The following WDR7 variants were observed in gnomAD, a reference collection of about 807,000 sequenced individuals.
The protein encoded by WDR7 is WD repeat domain 7, also known as WD repeat-containing protein 7.
A neutral mutation model predicts 169.4 loss-of-function variants in WDR7; 46 were observed. That is an observed-to-expected ratio of 0.27 (90% confidence interval 0.21 to 0.35). The LOEUF (loss-of-function observed/expected upper bound fraction) is 0.35, where lower values mean the gene tolerates loss of function less well. WDR7 is among the 10% of genes least tolerant of loss of function. The pLI is 1.00. For synonymous variants in WDR7, 612 were observed against 666.8 expected (o/e 0.92, Z 1.27); for missense variants, 1,534 against 1,859.3 (o/e 0.83, Z 3.22).
At chr18:56,744,174 G>A (rs975134811) in intron 14 of WDR7, among the ~76,000 whole-genome samples, 2 of 150,388 alleles carry the variant, frequency 1.3e-5, no homozygotes, top group East Asian at 3.9e-4. Flanking sequence ...GGGAGGCGGA[G>A]CTTGCAGTGA....
At chr18:56,932,031 G>A (rs553258161) in intron 22 of WDR7, among the ~76,000 whole-genome samples, 1 of 152,206 alleles carries the variant, frequency 6.6e-6, no homozygotes, top group South Asian at 2.1e-4. Context: ...AAATAAAGTT[G>A]GTGCTTTGGG....
chr18:56,939,077 TAAACA>T (rs1462184425), intron 24 of WDR7, among the ~76,000 whole-genome samples: 1 of 152,148 alleles, frequency 6.6e-6, no homozygotes, highest in African/African-American at 2.4e-5. Context: ...GACTTTAAAC[TAAACA>T]AGTCTGTTGT....
chr18:56,883,242 GTAAA>G (rs1470584027), intron 21 of WDR7, among the ~76,000 whole-genome samples: 1 of 150,936 alleles, frequency 6.6e-6, no homozygotes, highest in Admixed American at 6.6e-5. Context: ...CAGGAAGGTG[GTAAA>G]TAAATGAATT....
intron 21 of WDR7, among the ~76,000 whole-genome samples, chr18:56,918,045 T>C (rs1008238092): frequency 2.6e-5 from 4 of 152,214 alleles, no homozygotes; most frequent in African/African-American, 9.6e-5. Flanking sequence ...TTTAAAGGAT[T>C]TTGTTTCATT....
In WDR7 at chr18:57,020,832, C is replaced by G; in HGVS notation, c.4252C>G (p.His1418Asp). The G allele has an allele frequency of 6.2e-7, 1 of 1,614,176 alleles. No individual in the cohort carries two copies. The highest frequency in any genetic ancestry group is 8.5e-7 in the Non-Finnish European group (1 of 1,180,016). ...TGCCACCTACTCAAACACTGACAGCCACATTTCTTTTTGGCAGGTAAGAGT... is the reference window on the plus strand; with the variant it reads ...TGCCACCTACTCAAACACTGACAGCGACATTTCTTTTTGGCAGGTAAGAGT... ...YLATYSNTDS[H>D]ISFWQMNTSL... The change falls in exon 27 of 28, where the codon CAC becomes GAC. Residue 1418 changes from histidine to aspartate, a missense_variant. His to Asp is a moderately conservative substitution (Grantham distance 81). Transcript: ENST00000254442.
At chr18:56,744,111 C>T (rs1336250114) in intron 14 of WDR7, among the ~76,000 whole-genome samples, 2 of 151,102 alleles carry the variant, frequency 1.3e-5, no homozygotes, top group Admixed American at 6.6e-5. Flanking sequence ...TAGTGGCGGG[C>T]GCCTGTAGTC....
intron 13 of WDR7, among the ~76,000 whole-genome samples, chr18:56,730,078 ACTCTAT>A (rs1157992525): frequency 3.3e-5 from 5 of 152,078 alleles, no homozygotes; most frequent in East Asian, 1.9e-4. Context: ...GAGGCTGCTA[ACTCTAT>A]CTCTATTTAA....
chr18:56,842,487 T>C (rs2045500954), intron 20 of WDR7, among the ~76,000 whole-genome samples: 1 of 152,140 alleles, frequency 6.6e-6, no homozygotes, highest in East Asian at 1.9e-4. Context: ...TTTCAAACAA[T>C]AGCAAGGACT....
intron 12 of WDR7, among the ~76,000 whole-genome samples, chr18:56,709,857 C>T (rs1376680964): frequency 1.3e-5 from 2 of 151,894 alleles, no homozygotes; most frequent in Non-Finnish European, 2.9e-5. Flanking sequence ...GTTACTTGCT[C>T]TTTAAAAATG....
At chr18:56,899,356 C>A (rs2046371496) in intron 21 of WDR7, among the ~76,000 whole-genome samples, 1 of 151,898 alleles carries the variant, frequency 6.6e-6, no homozygotes, top group African/African-American at 2.4e-5. Flanking sequence ...GTATATTTTT[C>A]CCCACTATAT....
intron 19 of WDR7, among the ~76,000 whole-genome samples, chr18:56,797,324 A>G (rs1338202227): frequency 1.3e-5 from 2 of 152,166 alleles, no homozygotes; most frequent in Non-Finnish European, 2.9e-5. Context: ...CAAAGAGATT[A>G]CATTTGGACC....
At chr18:56,732,885 GCA>G (rs1209362060) in intron 14 of WDR7, among the ~76,000 whole-genome samples, 2 of 152,116 alleles carry the variant, frequency 1.3e-5, no homozygotes, top group Non-Finnish European at 2.9e-5. Context: ...ATGTTTAAGA[GCA>G]TGCATGCATG....
chr18:56,875,441 T>C (rs553060927), intron 20 of WDR7, among the ~76,000 whole-genome samples: 1 of 152,178 alleles, frequency 6.6e-6, no homozygotes, highest in Non-Finnish European at 1.5e-5. Context: ...CTAAATCTAA[T>C]TAAGCTATTC....
chr18:56,832,848 C>T (rs1044320766), intron 20 of WDR7, among the ~76,000 whole-genome samples: 3 of 152,078 alleles, frequency 2.0e-5, no homozygotes, highest in African/African-American at 7.2e-5. Flanking sequence ...CAACAGAAAA[C>T]ACCAAAGTAG....
chr18:56,700,736 A>AT (rs1310232879), intron 12 of WDR7, among the ~76,000 whole-genome samples: 3 of 147,660 alleles, frequency 2.0e-5, no homozygotes, highest in Non-Finnish European at 3.0e-5. Flanking sequence ...CGCCCGGCTA[A>AT]TTTTTTGTAT....
chr18:56,830,324 C>T (rs1021168086), intron 20 of WDR7, among the ~76,000 whole-genome samples: 2 of 152,140 alleles, frequency 1.3e-5, no homozygotes. Context: ...TTCTTCTGTT[C>T]ATGGAAAGCT....
chr18:56,683,562 T>A (rs1386314604), intron 5 of WDR7, among the ~76,000 whole-genome samples: 2 of 152,172 alleles, frequency 1.3e-5, no homozygotes, highest in Admixed American at 6.5e-5. Context: ...ACCATCACCA[T>A]GAGGACTTTC....
chr18:56,781,293 T>A (rs980109821), intron 18 of WDR7, among the ~76,000 whole-genome samples: 2 of 152,238 alleles, frequency 1.3e-5, no homozygotes, highest in African/African-American at 4.8e-5. Flanking sequence ...TGTTGAAACC[T>A]AATTCTTTCC....
intron 1 of WDR7, among the ~76,000 whole-genome samples, chr18:56,652,633 A>C (rs2024681333): frequency 6.6e-6 from 1 of 152,246 alleles, no homozygotes; most frequent in African/African-American, 2.4e-5. Flanking sequence ...TAGTTATTAT[A>C]AATTGGGAAA....
Sources: allele counts gnomAD v4.1 joint callset (sites outside exome capture counted in the v4.1 genomes callset), GRCh38; gene constraint gnomAD v4.1.1; transcripts MANE v1.5; gene names NCBI Gene and HGNC (gene_info 2026-07-23, HGNC 2026-07-21).